The following ST6GALNAC5 variants were observed in gnomAD, a reference collection of about 807,000 sequenced individuals.
ST6GALNAC5 encodes the protein ST6 N-acetylgalactosaminide alpha-2,6-sialyltransferase 5.
Under a neutral mutation model 33.6 loss-of-function variants are expected in ST6GALNAC5, and 27 were observed. The ratio of observed to expected loss-of-function variants is 0.80; its 90% CI spans 0.59 to 1.11. The LOEUF (loss-of-function observed/expected upper bound fraction) is 1.11. ST6GALNAC5 is among the 50% of genes least tolerant of loss of function. The probability of loss-of-function intolerance (pLI) is 0.00; values close to 1 mark genes in which losing one functional copy is unlikely to be tolerated. For missense variants in ST6GALNAC5, 428 were observed against 454.0 expected (o/e 0.94, Z 0.52); for synonymous variants, 194 against 171.2 (o/e 1.13, Z -1.04).
chr1:77,024,537 C>T (rs78740789), intron 2 of ST6GALNAC5, among the ~76,000 whole-genome samples: 3 of 152,202 alleles, frequency 2.0e-5, no homozygotes, highest in South Asian at 2.1e-4. Flanking sequence ...TTCCAGCCTC[C>T]GGGCCTCATA....
In ST6GALNAC5 at chr1:76,868,494, C is replaced by CA. The variant is rs748777970; in HGVS notation, c.16-2dup. 1.2e-6 allele frequency: 2 copies of CA among 1,600,332 alleles called. No individual in the cohort carries two copies. Among genetic ancestry groups the CA allele is most frequent in the East Asian group, 4.5e-5 (2 of 44,260 alleles). On this transcript the variant is annotated splice_polypyrimidine_tract_variant and splice_region_variant and intron_variant, in intron 1 of 4. Transcript: ENST00000477717. This position sits in a 1 kb window ranked among gnomAD's most constrained non-coding sequence, Gnocchi z 4.3. Reference sequence around the variant, plus strand: ...TCCTCTTCTCTCTCCCGCCCGCCCGCAGCGCCATGGTCTGGCAGTGTGTTT... The same window carrying CA: ...TCCTCTTCTCTCTCCCGCCCGCCCGCAAGCGCCATGGTCTGGCAGTGTGTTT...
At chr1:76,994,698 G>GCCC (rs1649857862) in intron 2 of ST6GALNAC5, among the ~76,000 whole-genome samples, 1 of 152,108 alleles carries the variant, frequency 6.6e-6, no homozygotes, top group Non-Finnish European at 1.5e-5. Flanking sequence ...TCTCCATACT[G>GCCC]CCCCAGACCA....
At chr1:77,034,319 A>T (rs767077257) in intron 2 of ST6GALNAC5, among the ~76,000 whole-genome samples, 14 of 151,738 alleles carry the variant, frequency 9.2e-5, no homozygotes, top group Middle Eastern at 6.8e-3. Context: ...CTCCCTGTGT[A>T]TCTCTGTGTT....
rs1243528745 is a variant in ST6GALNAC5, at chr1:77,054,125, A to G, written c.779+3760A>G. ...AGGGAGGTAATCAGAGATGAATGAG[A>G]CAGGGTCTCTGCCTTCAGTTGCCTG... On this transcript the variant is annotated intron_variant, in intron 4 of 4. Transcript: ENST00000477717. Among the ~76,000 whole-genome samples, 3 of 152,234 alleles carry G rather than the reference A, an allele frequency of 2.0e-5. No individual in the cohort carries two copies. In the East Asian group the frequency reaches 5.8e-4, roughly 29 times the overall value.
chr1:76,935,469 C>G (rs1647192533), intron 2 of ST6GALNAC5, among the ~76,000 whole-genome samples: 1 of 152,012 alleles, frequency 6.6e-6, no homozygotes, highest in Admixed American at 6.6e-5. Flanking sequence ...TACGTCAGAG[C>G]ATACTCTTGT....
At chr1:77,014,634 G>T (rs1486886500) in intron 2 of ST6GALNAC5, among the ~76,000 whole-genome samples, 1 of 152,148 alleles carries the variant, frequency 6.6e-6, no homozygotes, top group Non-Finnish European at 1.5e-5. Flanking sequence ...CCACTGGTAG[G>T]CCAACAGATC....
chr1:76,904,655 T>A (rs1232755153), intron 2 of ST6GALNAC5, among the ~76,000 whole-genome samples: 1 of 151,992 alleles, frequency 6.6e-6, no homozygotes, highest in Non-Finnish European at 1.5e-5. Context: ...CGAAACCCCA[T>A]CTGTACCAAA....
chr1:76,880,595 G>A (rs1351204113), intron 2 of ST6GALNAC5, among the ~76,000 whole-genome samples: 1 of 152,198 alleles, frequency 6.6e-6, no homozygotes, highest in Non-Finnish European at 1.5e-5. Context: ...GTGTTCGAGG[G>A]CAGGAAGCAT....
chr1:77,034,668 C>T (rs951422817), intron 2 of ST6GALNAC5, among the ~76,000 whole-genome samples: 12 of 152,146 alleles, frequency 7.9e-5, no homozygotes, highest in African/African-American at 2.4e-4. Flanking sequence ...TGCTGTATAG[C>T]GATTCCCAGT....
intron 2 of ST6GALNAC5, among the ~76,000 whole-genome samples, chr1:76,881,736 A>G (rs1653787013): frequency 6.6e-6 from 1 of 152,198 alleles, no homozygotes; most frequent in Non-Finnish European, 1.5e-5. Flanking sequence ...GAGTTACTGA[A>G]AAGGAATAGC....
At chr1:76,902,652 T>C (rs913992875) in intron 2 of ST6GALNAC5, among the ~76,000 whole-genome samples, 1 of 152,136 alleles carries the variant, frequency 6.6e-6, no homozygotes, top group Non-Finnish European at 1.5e-5. Context: ...TACAATAAAG[T>C]GACGATAATC....
chr1:76,878,486 A>G (rs1280859684), intron 2 of ST6GALNAC5, among the ~76,000 whole-genome samples: 4 of 152,194 alleles, frequency 2.6e-5, no homozygotes, highest in Non-Finnish European at 2.9e-5. Flanking sequence ...ATGTCAGCTC[A>G]GAGCCAGTGT....
chr1:76,882,263 CAT>C lies in ST6GALNAC5; in HGVS notation c.261+13523_261+13524del, dbSNP rs1446893387. On this transcript the variant is annotated intron_variant, in intron 2 of 4. Coordinates refer to ENST00000477717, the MANE Select transcript of ST6GALNAC5 (RefSeq NM_030965.3). ...CCAGAGTAGATTTTTGCCTTTAAAA[CAT>C]AAACCAAGCCAAAAGGAGTGTCATG... Among the ~76,000 whole-genome samples, 14 of 152,164 alleles carry C rather than the reference CAT, an allele frequency of 9.2e-5. No homozygotes were observed. The East Asian group carries it at 2.7e-3, about 29-fold the overall frequency.
At position 76,868,965 on chromosome 1, in the gene ST6GALNAC5, C is replaced by A; in HGVS notation, c.261+223C>A. 1.5e-6 allele frequency: 1 copy of A among 651,486 alleles called. No homozygotes were observed. Among genetic ancestry groups the A allele is most frequent in the Non-Finnish European group, 2.3e-6 (1 of 431,538 alleles). The allele number at this position is 651,486 out of a possible 1,614,324, so 40.4% of individuals were successfully genotyped here. Reference sequence around the variant, plus strand: ...AGAAAATAGGGGTGAGGTGCGTGGACCCCAAAGCCTAATTTCCCAGCAGAA... The same window carrying A: ...AGAAAATAGGGGTGAGGTGCGTGGAACCCAAAGCCTAATTTCCCAGCAGAA... On this transcript the variant is annotated intron_variant, in intron 2 of 4. Transcript: ENST00000477717. The surrounding 1 kb of genome is among the most constrained non-coding windows in gnomAD (Gnocchi z 4.3).
chr1:76,995,993 G>T (rs868600007), intron 2 of ST6GALNAC5, among the ~76,000 whole-genome samples: 1 of 152,136 alleles, frequency 6.6e-6, no homozygotes, highest in African/African-American at 2.4e-5. Context: ...TAGTAACTGT[G>T]GCTCAATCAT....
At chr1:76,869,342 T>C (rs1033456199) in intron 2 of ST6GALNAC5, among the ~76,000 whole-genome samples, 2 of 152,198 alleles carry the variant, frequency 1.3e-5, no homozygotes, top group African/African-American at 2.4e-5. Flanking sequence ...TTCCTCTGCC[T>C]TCCGGGAAGC....
chr1:77,053,186 T>A (rs1309953248), intron 4 of ST6GALNAC5, among the ~76,000 whole-genome samples: 1 of 152,208 alleles, frequency 6.6e-6, no homozygotes, highest in East Asian at 1.9e-4. Flanking sequence ...CTCTTTTATC[T>A]TTATTTTGAA....
At chr1:77,040,189 T>G (rs896421081) in intron 2 of ST6GALNAC5, among the ~76,000 whole-genome samples, 1 of 152,176 alleles carries the variant, frequency 6.6e-6, no homozygotes, top group Non-Finnish European at 1.5e-5. Context: ...GAAACAGACT[T>G]CATTTTGTCC....
chr1:76,976,168 G>A (rs1293091903), intron 2 of ST6GALNAC5, among the ~76,000 whole-genome samples: 1 of 152,118 alleles, frequency 6.6e-6, no homozygotes, highest in Non-Finnish European at 1.5e-5. Flanking sequence ...TTGGGCAAAT[G>A]AGGGACTTCC....
Sources: gnomAD v4.1 joint callset for allele counts (sites outside exome capture counted in the v4.1 genomes callset) on GRCh38, gnomAD v4.1.1 for gene constraint, Gnocchi (gnomAD v3.1) non-coding constraint, MANE v1.5 for transcripts, NCBI Gene and HGNC (gene_info 2026-07-23, HGNC 2026-07-21) for gene names.